VEZT: variants seen among roughly 807,000 people sequenced by gnomAD.
The protein encoded by VEZT is vezatin, adherens junctions transmembrane protein, also known as vezatin.
A neutral mutation model predicts 79.9 loss-of-function variants in VEZT; 39 were observed. That is an observed-to-expected ratio of 0.49 (90% CI 0.38 to 0.64). The LOEUF is 0.64. VEZT is among the 30% of genes least tolerant of loss of function. VEZT has a pLI of 0.00. For synonymous variants in VEZT, 325 were observed against 327.6 expected (o/e 0.99, Z 0.09); for missense variants, 837 against 893.1 (o/e 0.94, Z 0.80).
intron 9 of VEZT, chr12:95,293,673 T>C (rs1165028604): frequency 6.6e-6 from 1 of 152,556 alleles, no homozygotes; most frequent in Non-Finnish European, 1.5e-5. Context: ...GATAATATTT[T>C]GTTCAACAAG....
chr12:95,262,949 A>C lies in VEZT; in HGVS notation c.302A>C (p.Gln101Pro). The change falls in exon 4 of 12, where the codon CAG becomes CCG. Residue 101 changes from glutamine (Q) to proline (P), a missense_variant. Transcript: ENST00000436874. ...GACTCATTACATACCATCCTGCAAC[A>C]GGAAGTCCTGTTACAAGAGGATGTG... Reference protein sequence around the residue: ...RLDSLHTILQQEVLLQEDVEL... With the variant: ...RLDSLHTILQPEVLLQEDVEL... The C allele has an allele frequency of 6.2e-7, 1 of 1,611,834 alleles. No individual in the cohort carries two copies. The highest frequency in any genetic ancestry group is 8.5e-7 in the Non-Finnish European group (1 of 1,178,304).
At chr12:95,250,520 C>T (rs951489144) in intron 1 of VEZT, among the ~76,000 whole-genome samples, 6 of 151,776 alleles carry the variant, frequency 4.0e-5, no homozygotes, top group Admixed American at 6.6e-5. Context: ...CCAGGCTGGT[C>T]TTGAACTCCT....
chr12:95,300,456 C>T lies in VEZT; in HGVS notation c.2123C>T (p.Thr708Ile). ...DEPQADGSGL[T>I]TAPPTPRDSL... ...CCACAAGCAGATGGAAGTGGTCTGACCACTGCCCCTCCAACTCCCAGGGAC... is the reference window on the plus strand; with the variant it reads ...CCACAAGCAGATGGAAGTGGTCTGATCACTGCCCCTCCAACTCCCAGGGAC... The change falls in exon 12 of 12, where the codon ACC becomes ATC. Residue 708 changes from threonine to isoleucine, a missense_variant. Thr to Ile is a moderately conservative substitution (Grantham distance 89). Transcript: ENST00000436874. 1.2e-6 allele frequency: 2 copies of T among 1,613,936 alleles called. No homozygotes were observed. Among genetic ancestry groups the T allele is most frequent in the Non-Finnish European group, 1.7e-6 (2 of 1,179,870 alleles).
At position 95,217,902 on chromosome 12, in the gene VEZT, CGGTGGGTGTGGATTGCCTTTGTTTGA is replaced by C. The variant is rs758193089; in HGVS notation, c.36+18_36+43del. 1.3e-6 allele frequency: 2 copies of C among 1,504,686 alleles called. No individual in the cohort carries two copies. Among genetic ancestry groups the C allele is most frequent in the Middle Eastern group, 1.7e-4 (1 of 5,732 alleles). 93.2% of individuals were successfully genotyped at this position (1,504,686 alleles called of 1,614,324 possible). ...GGTTTTTGAGGTAAGAGGAAAATGG[CGGTGGGTGTGGATTGCCTTTGTTTGA>C]GAAGGACGAGACGGAAATCGAGGAA... On this transcript the variant is annotated intron_variant, in intron 1 of 11. Transcript: ENST00000436874.
chr12:95,300,592 C>G lies in VEZT; in HGVS notation c.2259C>G (p.Thr753=). ...TGGCTGCTAGATCTCTCTCCTTTAC[C>G]ACCATGCAGGAACAGACTTTTGGTG... ...AEVAARSLSF[T]TMQEQTFGGE... Residue 753 remains threonine (T), a synonymous_variant, in exon 12 of 12, where the codon ACC becomes ACG. Transcript: ENST00000436874. The G allele has an allele frequency of 6.2e-7, 1 of 1,613,764 alleles. No individual in the cohort carries two copies. Among genetic ancestry groups the G allele is most frequent in the East Asian group, 2.2e-5 (1 of 44,876 alleles).
At chr12:95,269,938 C>A in intron 5 of VEZT, 113 bp from the exon 6 acceptor site, 7 of 1,270,544 alleles carry the variant, frequency 5.5e-6, no homozygotes, top group Non-Finnish European at 7.6e-6. Context: ...TAGTGAAGAT[C>A]ATGAAAGAGG....
intron 1 of VEZT, among the ~76,000 whole-genome samples, chr12:95,219,212 G>A (rs1156289755): frequency 6.6e-6 from 1 of 151,988 alleles, no homozygotes; most frequent in Non-Finnish European, 1.5e-5. Flanking sequence ...GTAACTGATG[G>A]GTGTATTTTT....
rs1566011092 is a variant in VEZT, at chr12:95,234,687, TTTA to T, written c.36+16802_36+16804del. Among the ~76,000 whole-genome samples, 21 of 151,884 alleles carry T rather than the reference TTTA, an allele frequency of 1.4e-4. 1 individual carries two copies. Among genetic ancestry groups the T allele is most frequent in the South Asian group, 4.1e-4 (2 of 4,830 alleles). On this transcript the variant is annotated intron_variant, in intron 1 of 11. Coordinates refer to ENST00000436874, the MANE Select transcript of VEZT (RefSeq NM_017599.4). Reference sequence around the variant, plus strand: ...TTTTTATTTATTTATTTATTTATTTTTTAATTGATCATTCTTGGGTGTGATTTG... The same window carrying T: ...TTTTTATTTATTTATTTATTTATTTTATTGATCATTCTTGGGTGTGATTTG...
At chr12:95,291,251 A>G (rs2072720491) in intron 9 of VEZT, among the ~76,000 whole-genome samples, 1 of 152,144 alleles carries the variant, frequency 6.6e-6, no homozygotes, top group Non-Finnish European at 1.5e-5. Context: ...GTGTGTGCGC[A>G]TGTGTATGTG....
chr12:95,282,461 C>T lies in VEZT; in HGVS notation c.1145C>T (p.Pro382Leu), dbSNP rs970818551. Reference protein sequence around the residue: ...RILSDVTQGLPHAHSACLEEL... With the variant: ...RILSDVTQGLLHAHSACLEEL... ...TTATCTGATGTGACTCAAGGTCTAC[C>T]TCATGCTCATTCTGCCTGTTTGGAA... Residue 382 changes from proline (P) to leucine (L), a missense_variant, in exon 8 of 12, where the codon CCT becomes CTT. By Grantham distance (98) the Pro-to-Leu change is moderately conservative. Transcript: ENST00000436874. 6.2e-7 allele frequency: 1 copy of T among 1,613,904 alleles called. No homozygotes were observed. The highest frequency in any genetic ancestry group is 1.1e-5 in the South Asian group (1 of 91,076).
chr12:95,219,014 AT>A (rs2057150935), intron 1 of VEZT, among the ~76,000 whole-genome samples: 10 of 152,146 alleles, frequency 6.6e-5, no homozygotes, highest in Admixed American at 6.5e-4. Flanking sequence ...GCAGTGGAAA[AT>A]GTGGCCATTT....
At chr12:95,224,825 G>A (rs776691392) in intron 1 of VEZT, among the ~76,000 whole-genome samples, 9 of 152,232 alleles carry the variant, frequency 5.9e-5, no homozygotes, top group Non-Finnish European at 1.3e-4. Flanking sequence ...TTTCGTGGAA[G>A]ACAGTTTTTC....
At chr12:95,282,999 G>C (rs1392686458) in intron 8 of VEZT, among the ~76,000 whole-genome samples, 1 of 152,132 alleles carries the variant, frequency 6.6e-6, no homozygotes, top group African/African-American at 2.4e-5. Flanking sequence ...GGAACCTGCA[G>C]TCCAATAGAA....
intron 1 of VEZT, among the ~76,000 whole-genome samples, chr12:95,223,225 G>A (rs965599885): frequency 1.3e-5 from 2 of 152,060 alleles, no homozygotes; most frequent in African/African-American, 4.8e-5. Flanking sequence ...TAATATAAGT[G>A]AATTACTTAG....
intron 2 of VEZT, 95 bp downstream of exon 2, chr12:95,252,166 A>T: frequency 7.5e-7 from 1 of 1,333,214 alleles, no homozygotes; most frequent in Non-Finnish European, 1.0e-6. Flanking sequence ...ATCCTCCCTC[A>T]CACTGGTAAG....
intron 2 of VEZT, among the ~76,000 whole-genome samples, chr12:95,255,879 A>G (rs899835374): frequency 6.6e-6 from 1 of 152,146 alleles, no homozygotes; most frequent in African/African-American, 2.4e-5. Flanking sequence ...TAATGTTCAT[A>G]CTATTATGGT....
intron 11 of VEZT, chr12:95,298,946 A>G (rs879688584): frequency 1.3e-5 from 2 of 154,248 alleles, no homozygotes; most frequent in African/African-American, 2.4e-5. Flanking sequence ...TTTTTCAGGT[A>G]TGTGCTTTTG....
At chr12:95,284,218 C>T (rs2069963557) in intron 8 of VEZT, among the ~76,000 whole-genome samples, 1 of 152,210 alleles carries the variant, frequency 6.6e-6, no homozygotes, top group Non-Finnish European at 1.5e-5. Flanking sequence ...GAAAGTACAC[C>T]AGTCACAAAC....
chr12:95,245,024 G>A (rs1470426481), intron 1 of VEZT, among the ~76,000 whole-genome samples: 1 of 152,052 alleles, frequency 6.6e-6, no homozygotes, highest in Non-Finnish European at 1.5e-5. Context: ...TTTGAGGTCA[G>A]GAGTTCAAGA....
Sources: gnomAD v4.1 joint callset for allele counts (sites outside exome capture counted in the v4.1 genomes callset) on GRCh38, gnomAD v4.1.1 for gene constraint, MANE v1.5 for transcripts, NCBI Gene and HGNC (gene_info 2026-07-23, HGNC 2026-07-21) for gene names.